OR51L1: variants seen among roughly 807,000 people sequenced by gnomAD.
OR51L1 encodes the protein olfactory receptor family 51 subfamily L member 1, also known as olfactory receptor 51L1.
In OR51L1, 1 loss-of-function variant was observed where a neutral mutation model predicts 1.4. That is an observed-to-expected ratio of 0.72 (90% CI 0.26 to 3.42). The LOEUF (loss-of-function observed/expected upper bound fraction) is 3.42. Among genes scored for constraint, OR51L1 ranks in the 30% most tolerant of loss-of-function variants. The pLI is 0.20. For synonymous variants in OR51L1, 156 were observed against 144.2 expected, an observed-to-expected ratio of 1.08 and a Z score of -0.59; for missense variants, 378 against 380.0, an observed-to-expected ratio of 0.99 and a Z score of 0.04.
rs1040098721 is a variant in OR51L1, at chr11:5,000,140, T to C, written c.*210T>C. The C allele has an allele frequency of 3.6e-5, 18 of 499,742 alleles. No homozygotes were observed. The highest frequency in any genetic ancestry group is 3.4e-4 in the African/African-American group (18 of 52,436). 31.0% of individuals were successfully genotyped at this position (499,742 alleles called of 1,614,324 possible). A position where few individuals can be genotyped will look rare whatever the true frequency, so the allele number is the denominator to read the frequency against. On this transcript the variant is annotated 3_prime_UTR_variant, in exon 3 of 3. Coordinates refer to ENST00000641819, the MANE Select transcript of OR51L1 (RefSeq NM_001004755.2). ...ACTATGGCCTTACGTTGTCCCCAGG[T>C]CATTACAAGACTTATAATAGAAAAT... is the stretch of plus-strand genomic sequence containing the variant.
Position 5,000,015 on chromosome 11 carries a change from C to A in OR51L1, c.*85C>A. On this transcript the variant is annotated 3_prime_UTR_variant, in exon 3 of 3. Transcript: ENST00000641819. ...AAAAGTAAAATATCTGGGTGTTGCT[C>A]ATCTGGTTAAAATCCTAATTCTTTC... is the stretch of plus-strand genomic sequence containing the variant. 1 of 1,298,914 alleles carries A rather than the reference C, an allele frequency of 7.7e-7. No homozygotes were observed. The highest frequency in any genetic ancestry group is 2.5e-5 in the East Asian group (1 of 40,768). The allele number at this position is 1,298,914 out of a possible 1,614,324, so 80.5% of individuals were successfully genotyped here. A position where few individuals can be genotyped will look rare whatever the true frequency, so the allele number is the denominator to read the frequency against.
At chr11:4,996,575 C>G (rs1039591024) in intron 1 of OR51L1, among the ~76,000 whole-genome samples, 1 of 152,008 alleles carries the variant, frequency 6.6e-6, no homozygotes, top group Non-Finnish European at 1.5e-5. Flanking sequence ...TATTTCAGGA[C>G]TGAAAGAATT....
Position 4,999,281 on chromosome 11 carries a change from A to G in OR51L1, c.299A>G (p.Tyr100Cys), listed in dbSNP as rs184336225. Reference sequence around the variant, plus strand: ...CCAGAGATCCAGGCAAGTGCTTGCTATGCTCAGCTGTTCTTCATCCACACA... The same window carrying G: ...CCAGAGATCCAGGCAAGTGCTTGCTGTGCTCAGCTGTTCTTCATCCACACA... ...DAPEIQASAC[Y>C]AQLFFIHTFT... The change falls in exon 3 of 3, where the codon TAT (tyrosine) becomes TGT (cysteine). Residue 100 changes from tyrosine (Y) to cysteine (C), a missense_variant. Coordinates refer to ENST00000641819, the MANE Select transcript of OR51L1 (RefSeq NM_001004755.2). 52 of 1,614,156 alleles carry G rather than the reference A, an allele frequency of 3.2e-5. No individual in the cohort carries two copies. The East Asian group carries it at 1.1e-3, about 34-fold the overall frequency.
In OR51L1 at chr11:5,002,655, T is replaced by C. The variant is rs955228115; in HGVS notation, c.*2725T>C. 3 of 152,118 alleles carry C rather than the reference T, an allele frequency of 2.0e-5. No individual in the cohort carries two copies. The highest frequency in any genetic ancestry group is 2.0e-4 in the Admixed American group (3 of 15,274). 9.4% of individuals were successfully genotyped at this position (152,118 alleles called of 1,614,324 possible). On this transcript the variant is annotated 3_prime_UTR_variant, in exon 3 of 3. Coordinates refer to ENST00000641819, the MANE Select transcript of OR51L1 (RefSeq NM_001004755.2). ...ACTAATGTAGAAAGTTGGAAAGGTC[T>C]GGCCCCTTCAGCCCAGTGAATTTCA...
chr11:4,999,351 C>A lies in OR51L1; in HGVS notation c.369C>A (p.Asp123Glu). The change falls in exon 3 of 3, where the codon GAC (aspartate) becomes GAA (glutamate). Residue 123 changes from aspartate (D) to glutamate (E), a missense_variant. Physicochemically the swap from Asp to Glu is conservative, Grantham distance 45. Transcript: ENST00000641819. ...CAGTGTTGCTGGCCATGGCCTTTGA[C>A]CGTTTTGTTGCTATCTGCCATCCAC... Reference protein sequence around the residue: ...ESSVLLAMAFDRFVAICHPLH... With the variant: ...ESSVLLAMAFERFVAICHPLH... 1 of 1,614,128 alleles carries A rather than the reference C, an allele frequency of 6.2e-7. No individual in the cohort carries two copies. Among genetic ancestry groups the A allele is most frequent in the Non-Finnish European group, 8.5e-7 (1 of 1,180,034 alleles).
rs755464538 is a variant in OR51L1, at chr11:4,999,405, T to C, written c.423T>C (p.Ser141=). 6.2e-7 allele frequency: 1 copy of C among 1,614,130 alleles called. No homozygotes were observed. The highest frequency in any genetic ancestry group is 1.1e-5 in the South Asian group (1 of 91,090). Residue 141 remains serine (S), a synonymous_variant, in exon 3 of 3, where the codon AGT becomes AGC. Transcript: ENST00000641819. ...ACTACCCCACCATCCTCACCAACAG[T>C]GTAATTGGCAAAATTGGTTTGGCCT... ...PLHYPTILTN[S]VIGKIGLACL...
intron 1 of OR51L1, among the ~76,000 whole-genome samples, chr11:4,996,721 T>TTTTCTTTTCTTTTC (rs773262061): frequency 1.9e-5 from 2 of 106,276 alleles, no homozygotes; most frequent in Non-Finnish European, 3.9e-5. Flanking sequence ...CTTTCTTTTC[T>TTTTCTTTTCTTTTC]TTTCTTTCTT....
chr11:5,000,190 A>G lies in OR51L1; in HGVS notation c.*260A>G, dbSNP rs1847117690. 4 of 327,582 alleles carry G rather than the reference A, an allele frequency of 1.2e-5. No homozygotes were observed. Among genetic ancestry groups the G allele is most frequent in the South Asian group, 1.9e-4 (2 of 10,612 alleles). 20.3% of individuals were successfully genotyped at this position (327,582 alleles called of 1,614,324 possible). ...TGTATGTGCTAAGTCAAGTTTTTTG[A>G]AAACTATACAAAATTATTAATGTTA... is the stretch of plus-strand genomic sequence containing the variant. On this transcript the variant is annotated 3_prime_UTR_variant, in exon 3 of 3. Transcript: ENST00000641819.
chr11:4,999,004 G>T lies in OR51L1; in HGVS notation c.22G>T (p.Asp8Tyr). The T allele has an allele frequency of 6.2e-7, 1 of 1,613,906 alleles. No individual in the cohort carries two copies. The highest frequency in any genetic ancestry group is 8.5e-7 in the Non-Finnish European group (1 of 1,179,858). Residue 8 changes from aspartate (D) to tyrosine (Y), a missense_variant, in exon 3 of 3, where the codon GAT becomes TAT. Asp to Tyr is a radical substitution (Grantham distance 160). Transcript: ENST00000641819. ...CACTATGGGAGACTGGAATAACAGT[G>T]ATGCTGTGGAGCCCATATTTATCCT... is the stretch of plus-strand genomic sequence containing the variant. MGDWNNS[D>Y]AVEPIFILRG...
At position 4,997,472 on chromosome 11, in the gene OR51L1, C is replaced by T. The variant is rs1329487441; in HGVS notation, c.-261-10C>T. 1 of 152,150 alleles carries T rather than the reference C, an allele frequency of 6.6e-6. No homozygotes were observed. The highest frequency in any genetic ancestry group is 1.5e-5 in the Non-Finnish European group (1 of 68,030). 9.4% of individuals were successfully genotyped at this position (152,150 alleles called of 1,614,324 possible). Reference sequence around the variant, plus strand: ...GGATGAGGCTAAGTCTTATCTTAATCTTTCAAAAGGTCAGAGACTAAGGGT... The same window carrying T: ...GGATGAGGCTAAGTCTTATCTTAATTTTTCAAAAGGTCAGAGACTAAGGGT... On this transcript the variant is annotated splice_polypyrimidine_tract_variant and intron_variant, in intron 1 of 2. Coordinates refer to ENST00000641819, the MANE Select transcript of OR51L1 (RefSeq NM_001004755.2).
rs1847098106 is a variant in OR51L1, at chr11:4,998,996, A to G, written c.14A>G (p.Asn5Ser). Residue 5 changes from asparagine to serine, a missense_variant, in exon 3 of 3, where the codon AAT becomes AGT. Transcript: ENST00000641819. The stretch of plus-strand genomic sequence containing the variant: ...CTCAAAGTCACTATGGGAGACTGGA[A>G]TAACAGTGATGCTGTGGAGCCCATA... The part of the protein sequence containing the change: MGDW[N>S]NSDAVEPIFI... 2 of 1,613,560 alleles carry G rather than the reference A, an allele frequency of 1.2e-6. No individual in the cohort carries two copies.
At position 5,002,122 on chromosome 11, in the gene OR51L1, C is replaced by T. The variant is rs779030690; in HGVS notation, c.*2192C>T. 2.6e-5 allele frequency: 4 copies of T among 152,112 alleles called. No individual in the cohort carries two copies. The highest frequency in any genetic ancestry group is 4.4e-5 in the Non-Finnish European group (3 of 68,030). The allele number at this position is 152,112 out of a possible 1,614,324, so 9.4% of individuals were successfully genotyped here. A position where few individuals can be genotyped will look rare whatever the true frequency, so the allele number is the denominator to read the frequency against. Reference sequence around the variant, plus strand: ...CACAGTTGGAAATAAAGTGGCGTACCAAAGCTGGCACATAAGAGACAATTG... The same window carrying T: ...CACAGTTGGAAATAAAGTGGCGTACTAAAGCTGGCACATAAGAGACAATTG... On this transcript the variant is annotated 3_prime_UTR_variant, in exon 3 of 3. Coordinates refer to ENST00000641819, the MANE Select transcript of OR51L1 (RefSeq NM_001004755.2).
chr11:4,998,448 A>G (rs1447934361), intron 2 of OR51L1, among the ~76,000 whole-genome samples: 4 of 151,848 alleles, frequency 2.6e-5, no homozygotes, highest in African/African-American at 9.7e-5. Flanking sequence ...TATTATTAAA[A>G]TATTAAATAT....
At chr11:4,995,517 C>T (rs1418518499) in intron 1 of OR51L1, among the ~76,000 whole-genome samples, 182 bp downstream of exon 1, 1 of 151,942 alleles carries the variant, frequency 6.6e-6, no homozygotes. Context: ...ATGTCTTGTT[C>T]CAATTATTTT....
chr11:4,996,747 T>TTCTTTC (rs1847075813), intron 1 of OR51L1, among the ~76,000 whole-genome samples: 1 of 150,604 alleles, frequency 6.6e-6, no homozygotes, highest in East Asian at 1.9e-4. Flanking sequence ...CTTTCTTTCT[T>TTCTTTC]TCTTTCTTTC....
chr11:5,002,318 A>G lies in OR51L1; in HGVS notation c.*2388A>G, dbSNP rs1390159371. On this transcript the variant is annotated 3_prime_UTR_variant, in exon 3 of 3. Transcript: ENST00000641819. ...TTACCAACACATCACTGGGAAAGGTATTCTAGAAAGAGGAGGTAACATGAA... is the reference window on the plus strand; with the variant it reads ...TTACCAACACATCACTGGGAAAGGTGTTCTAGAAAGAGGAGGTAACATGAA... 1 of 152,218 alleles carries G rather than the reference A, an allele frequency of 6.6e-6. No individual in the cohort carries two copies. Among genetic ancestry groups the G allele is most frequent in the African/African-American group, 2.4e-5 (1 of 41,452 alleles). 9.4% of individuals were successfully genotyped at this position (152,218 alleles called of 1,614,324 possible). A position where few individuals can be genotyped will look rare whatever the true frequency, so the allele number is the denominator to read the frequency against.
intron 2 of OR51L1, among the ~76,000 whole-genome samples, chr11:4,997,929 C>T (rs1847086557): frequency 6.6e-6 from 1 of 152,004 alleles, no homozygotes; most frequent in African/African-American, 2.4e-5. Flanking sequence ...AATTAAGAAC[C>T]ACTTAATATT....
rs1349371425 is a variant in OR51L1 at position 5,002,733 on chromosome 11, A to G, written c.*2803A>G. The G allele has an allele frequency of 6.6e-6, 1 of 152,174 alleles. No individual in the cohort carries two copies. The highest frequency in any genetic ancestry group is 1.5e-5 in the Non-Finnish European group (1 of 68,052). 9.4% of individuals were successfully genotyped at this position (152,174 alleles called of 1,614,324 possible). A position where few individuals can be genotyped will look rare whatever the true frequency, so the allele number is the denominator to read the frequency against. On this transcript the variant is annotated 3_prime_UTR_variant, in exon 3 of 3. Coordinates refer to ENST00000641819, the MANE Select transcript of OR51L1 (RefSeq NM_001004755.2). ...CGTGATGTTGGACAAGGCTATCTTC[A>G]GGCCTGATTCACAGGTCAACTTTTC...
At position 4,999,754 on chromosome 11, in the gene OR51L1, A is replaced by T. The variant is rs1847111084; in HGVS notation, c.772A>T (p.Ile258Phe). Residue 258 changes from isoleucine (I) to phenylalanine (F), a missense_variant, in exon 3 of 3, where the codon ATT becomes TTT. By Grantham distance (21) the Ile-to-Phe change is conservative. Coordinates refer to ENST00000641819, the MANE Select transcript of OR51L1 (RefSeq NM_001004755.2). ...CVVLIFFVPV[I>F]GVSMVHRFGK... ...GGTGCTTATCTTCTTTGTGCCAGTT[A>T]TTGGGGTGTCAATGGTCCATCGCTT... 1 of 1,613,912 alleles carries T rather than the reference A, an allele frequency of 6.2e-7. No homozygotes were observed. The highest frequency in any genetic ancestry group is 1.1e-5 in the South Asian group (1 of 91,076).
Sources: gnomAD v4.1 joint callset for allele counts (sites outside exome capture counted in the v4.1 genomes callset) on GRCh38, gnomAD v4.1.1 for gene constraint, MANE v1.5 for transcripts, NCBI Gene and HGNC (gene_info 2026-07-23, HGNC 2026-07-21) for gene names.